NCALD: variants seen among roughly 807,000 people sequenced by gnomAD.
The protein encoded by NCALD is neurocalcin delta.
In NCALD, 10 loss-of-function variants were observed where a neutral mutation model predicts 18.6. That is an observed-to-expected ratio of 0.54 (90% CI 0.33 to 0.91). The LOEUF (loss-of-function observed/expected upper bound fraction) is 0.91. Among genes scored for constraint, NCALD ranks in the 40% least tolerant of loss-of-function variants. The probability of loss-of-function intolerance (pLI) is 0.03; values close to 1 mark genes in which losing one functional copy is unlikely to be tolerated. For synonymous variants in NCALD, 88 were observed against 87.4 expected, an observed-to-expected ratio of 1.01 and a Z score of -0.04; for missense variants, 184 against 247.6, an observed-to-expected ratio of 0.74 and a Z score of 1.72.
chr8:102,013,222 A>G (rs887824030), intron 2 of NCALD, among the ~76,000 whole-genome samples: 1 of 151,860 alleles, frequency 6.6e-6, no homozygotes, highest in Non-Finnish European at 1.5e-5. Context: ...TGGTCTAGGT[A>G]CCTCCCCTTT....
At chr8:102,063,921 G>T (rs1021243795) in intron 1 of NCALD, among the ~76,000 whole-genome samples, 6 of 152,136 alleles carry the variant, frequency 3.9e-5, no homozygotes, top group Admixed American at 3.9e-4. Flanking sequence ...CCAGTATTTA[G>T]AACCCCAGAA....
chr8:101,719,350 T>G lies in NCALD; in HGVS notation c.280A>C (p.Arg94=). ...TTCAGCTTCTGCTCCAGCTTCCCCC[T>G]CGAAGTTACACTCAAGGCGATGATG... ...EFIIALSVTS[R]GKLEQKLKWA... is the part of the protein sequence containing the mutation. The change falls in exon 2 of 4, where the codon AGG becomes CGG. Residue 94 remains arginine (R), a synonymous_variant. Transcript: ENST00000220931. 6.2e-7 allele frequency: 1 copy of G among 1,614,186 alleles called. No individual in the cohort carries two copies. Among genetic ancestry groups the G allele is most frequent in the Non-Finnish European group, 8.5e-7 (1 of 1,180,036 alleles).
At position 101,864,697 on chromosome 8, in the gene NCALD, C is replaced by T. The variant is rs1266971910; in HGVS notation, c.-20+22444G>A. Among the ~76,000 whole-genome samples, 5 of 150,974 alleles carry T rather than the reference C, an allele frequency of 3.3e-5. No individual in the cohort carries two copies. In the East Asian group the frequency reaches 5.9e-4, roughly 18 times the overall value. On this transcript the variant is annotated intron_variant, in intron 4 of 6. Transcript: ENST00000311028. ...GCAACCTCCGCCTCCTGGGTTAAAGCGATTCTTCTGTCTCAGCCTCCTGAG... is the reference window on the plus strand; with the variant it reads ...GCAACCTCCGCCTCCTGGGTTAAAGTGATTCTTCTGTCTCAGCCTCCTGAG...
intron 1 of NCALD, among the ~76,000 whole-genome samples, chr8:102,047,792 C>T (rs545989521): frequency 6.6e-6 from 1 of 152,142 alleles, no homozygotes; most frequent in African/African-American, 2.4e-5. Flanking sequence ...TCAGGAAAAT[C>T]TGTAATACAG....
intron 1 of NCALD, among the ~76,000 whole-genome samples, chr8:102,050,192 A>G (rs1254643568): frequency 1.4e-5 from 2 of 146,914 alleles, no homozygotes; most frequent in Non-Finnish European, 3.0e-5. Flanking sequence ...AAAAAAAAAA[A>G]AAATTGAGCT....
intron 2 of NCALD, among the ~76,000 whole-genome samples, chr8:101,998,908 T>C (rs1182793192): frequency 6.6e-6 from 1 of 152,122 alleles, no homozygotes; most frequent in East Asian, 1.9e-4. Flanking sequence ...AAAATATGCA[T>C]GAGTAAAACA....
At chr8:101,989,663 T>C (rs1476151818) in intron 2 of NCALD, among the ~76,000 whole-genome samples, 1 of 152,198 alleles carries the variant, frequency 6.6e-6, no homozygotes, top group Non-Finnish European at 1.5e-5. Context: ...ACTATAGCCC[T>C]GTTTGCTGAT....
intron 2 of NCALD, among the ~76,000 whole-genome samples, chr8:101,917,107 G>A (rs552324415): frequency 2.0e-5 from 3 of 152,118 alleles, no homozygotes; most frequent in African/African-American, 7.2e-5. Flanking sequence ...TGTAAAGCAA[G>A]TCTCAATAAA....
In NCALD at chr8:101,938,075, G is replaced by A. The variant is rs974444315; in HGVS notation, c.-156-22217C>T. On this transcript the variant is annotated intron_variant, in intron 2 of 6. Transcript: ENST00000311028. ...TGATGCGCCATGACTTGTTCTTTAT[G>A]AGCCCCTACTGCTTCTCTCTCTTTC... 1.1e-4 allele frequency among the ~76,000 whole-genome samples: 17 copies of A among 152,082 alleles called. 1 individual carries two copies. Among genetic ancestry groups the A allele is most frequent in the Admixed American group, 6.6e-4 (10 of 15,262 alleles).
chr8:102,053,477 T>G (rs1389017692), intron 1 of NCALD, among the ~76,000 whole-genome samples: 2 of 152,170 alleles, frequency 1.3e-5, no homozygotes, highest in Non-Finnish European at 2.9e-5. Flanking sequence ...GGCACTGGAT[T>G]CAGCATTTTC....
At position 101,960,100 on chromosome 8, in the gene NCALD, A is replaced by G. The variant is rs529304279; in HGVS notation, c.-156-44242T>C. 9.3e-4 allele frequency among the ~76,000 whole-genome samples: 142 copies of G among 152,232 alleles called. 2 individuals are homozygous for G. The highest frequency in any genetic ancestry group is 5.5e-3 in the Admixed American group (84 of 15,290). ...ACTGAGCCTGCCTTTAGATGATGCC[A>G]TTTGCTAATTCTTTCAGGCTTGCAG... On this transcript the variant is annotated intron_variant, in intron 2 of 6. Coordinates refer to the NCALD transcript ENST00000311028.
At chr8:102,047,813 G>C (rs1470220325) in intron 1 of NCALD, among the ~76,000 whole-genome samples, 2 of 152,108 alleles carry the variant, frequency 1.3e-5, no homozygotes, top group African/African-American at 4.8e-5. Context: ...GACCCCTCCA[G>C]TTCTAAAACC....
rs117771773 is a variant in NCALD, at chr8:101,701,177, G to A, written c.379-8281C>T. ...CTCCCTTCCCACGGCATCAACAACC[G>A]AGAGCTGATTGTATCAGAACTTTAA... is the stretch of plus-strand genomic sequence containing the variant. On this transcript the variant is annotated intron_variant, in intron 2 of 3. Coordinates refer to ENST00000220931, the MANE Select transcript of NCALD (RefSeq NM_032041.3). Among the ~76,000 whole-genome samples, 582 of 152,210 alleles carry A rather than the reference G, an allele frequency of 3.8e-3. 6 individuals are homozygous for A. In the East Asian group the frequency reaches 0.057, roughly 15 times the overall value.
intron 2 of NCALD, among the ~76,000 whole-genome samples, chr8:101,706,145 C>T (rs1815509400): frequency 6.6e-6 from 1 of 152,046 alleles, no homozygotes; most frequent in Non-Finnish European, 1.5e-5. Flanking sequence ...AAGAGTACCA[C>T]CACTGACTTG....
chr8:102,045,280 G>A (rs1823199472), intron 1 of NCALD, among the ~76,000 whole-genome samples: 1 of 152,162 alleles, frequency 6.6e-6, no homozygotes, highest in Admixed American at 6.5e-5. Flanking sequence ...CCTAGAGGCA[G>A]TCAGTTCAAA....
intron 1 of NCALD, among the ~76,000 whole-genome samples, chr8:101,744,245 A>G (rs1024070525): frequency 1.3e-5 from 2 of 152,212 alleles, no homozygotes; most frequent in Admixed American, 6.5e-5. Context: ...AGGGAAGCAC[A>G]GTCTACCTGT....
chr8:102,096,177 G>A (rs1191067411), intron 1 of NCALD, among the ~76,000 whole-genome samples: 1 of 152,236 alleles, frequency 6.6e-6, no homozygotes, highest in East Asian at 1.9e-4. Flanking sequence ...AACAAGGCCA[G>A]CAGGCTGAAG....
chr8:101,993,004 C>G (rs950555843), intron 2 of NCALD, among the ~76,000 whole-genome samples: 1 of 146,910 alleles, frequency 6.8e-6, no homozygotes, highest in East Asian at 2.0e-4. Context: ...GCCGAGGAAC[C>G]AGGATTCAGA....
At chr8:102,001,026 G>C (rs756942553) in intron 2 of NCALD, among the ~76,000 whole-genome samples, 3 of 152,240 alleles carry the variant, frequency 2.0e-5, no homozygotes, top group Non-Finnish European at 4.4e-5. Flanking sequence ...GCCAGACGGA[G>C]AATGACTTTG....
Sources: gnomAD v4.1 joint callset for allele counts (sites outside exome capture counted in the v4.1 genomes callset) on GRCh38, gnomAD v4.1.1 for gene constraint, MANE v1.5 for transcripts, NCBI Gene and HGNC (gene_info 2026-07-23, HGNC 2026-07-21) for gene names.